The following LUZP2 variants were observed in gnomAD, a reference collection of about 807,000 sequenced individuals.
LUZP2 encodes leucine zipper protein 2.
Under a neutral mutation model 51.6 loss-of-function variants are expected in LUZP2, and 52 were observed. The observed-to-expected ratio is 1.01, with a 90% CI of 0.81 to 1.27. The LOEUF is 1.27. Among genes scored for constraint, LUZP2 ranks in the 50% most tolerant of loss-of-function variants. LUZP2 has a pLI of 0.00. For missense variants in LUZP2, 436 were observed against 395.4 expected (o/e 1.10, Z -0.87); for synonymous variants, 154 against 137.3 (o/e 1.12, Z -0.85).
At chr11:24,502,233 A>C (rs1207706467) in intron 1 of LUZP2, among the ~76,000 whole-genome samples, 3 of 152,214 alleles carry the variant, frequency 2.0e-5, no homozygotes, top group Non-Finnish European at 4.4e-5. Context: ...AAAAGAAAAA[A>C]TATAGATACA....
At chr11:24,597,661 T>C (rs548428022) in intron 1 of LUZP2, among the ~76,000 whole-genome samples, 23 of 152,350 alleles carry the variant, frequency 1.5e-4, no homozygotes, top group African/African-American at 4.3e-4. Context: ...GATCCTATGA[T>C]AAATAAAGCA....
chr11:25,041,976 G>A (rs193039594), intron 9 of LUZP2, among the ~76,000 whole-genome samples: 12 of 152,260 alleles, frequency 7.9e-5, no homozygotes, highest in African/African-American at 2.9e-4. Flanking sequence ...CTGATGATAT[G>A]AGGTGGAACA....
At chr11:24,987,213 G>T (rs1462190831) in intron 9 of LUZP2, among the ~76,000 whole-genome samples, 2 of 151,862 alleles carry the variant, frequency 1.3e-5, no homozygotes, top group Admixed American at 1.3e-4. Flanking sequence ...AACACCTGAA[G>T]AAAATTTTTA....
rs372999433 is a variant in LUZP2 at position 24,788,664 on chromosome 11, CTATT to C, written c.396+25362_396+25365del. The stretch of plus-strand genomic sequence containing the variant: ...TTATAATATTCATAACATATAAATA[CTATT>C]TATTTTCAATAATTGCTTCCTTGAT... On this transcript the variant is annotated intron_variant, in intron 5 of 11. Coordinates refer to ENST00000336930, the MANE Select transcript of LUZP2 (RefSeq NM_001009909.4). Among the ~76,000 whole-genome samples the C allele has an allele frequency of 2.2e-3, 330 of 152,110 alleles. 1 individual carries two copies. In the South Asian group the frequency reaches 0.022, roughly 10 times the overall value.
At chr11:24,873,555 A>T (rs931431672) in intron 5 of LUZP2, among the ~76,000 whole-genome samples, 1 of 152,186 alleles carries the variant, frequency 6.6e-6, no homozygotes, top group South Asian at 2.1e-4. Flanking sequence ...ATTCATTAAA[A>T]ATAGCTTAGT....
Position 25,081,583 on chromosome 11 carries a change from A to C in LUZP2, c.*2925A>C, listed in dbSNP as rs1859460638. Reference sequence around the variant, plus strand: ...ATTTGCTTCAAAATAGAATCGGATAAGTTTAAAATGTTCCTCTTACATTTG... The same window carrying C: ...ATTTGCTTCAAAATAGAATCGGATACGTTTAAAATGTTCCTCTTACATTTG... On this transcript the variant is annotated 3_prime_UTR_variant, in exon 12 of 12. Coordinates refer to ENST00000336930, the MANE Select transcript of LUZP2 (RefSeq NM_001009909.4). 6.6e-6 allele frequency: 1 copy of C among 152,158 alleles called. No individual in the cohort carries two copies. Among genetic ancestry groups the C allele is most frequent in the Non-Finnish European group, 1.5e-5 (1 of 68,016 alleles). The allele number at this position is 152,158 out of a possible 1,614,324, so 9.4% of individuals were successfully genotyped here.
chr11:24,937,758 G>A lies in LUZP2; in HGVS notation c.522+23220G>A, dbSNP rs1233582743. On this transcript the variant is annotated intron_variant, in intron 7 of 11. Coordinates refer to ENST00000336930, the MANE Select transcript of LUZP2 (RefSeq NM_001009909.4). ...CTACTAACAATACAAAAAATTAGCC[G>A]GGCGTGGTGGCGGGCGCCCGTAGTT... is the stretch of plus-strand genomic sequence containing the variant. Among the ~76,000 whole-genome samples, 7 of 152,092 alleles carry A rather than the reference G, an allele frequency of 4.6e-5. No individual in the cohort carries two copies. The South Asian group carries it at 8.3e-4, about 18-fold the overall frequency.
chr11:24,676,187 G>A (rs1396083706), intron 1 of LUZP2, among the ~76,000 whole-genome samples: 1 of 152,046 alleles, frequency 6.6e-6, no homozygotes, highest in Non-Finnish European at 1.5e-5. Context: ...CTTATCTTAT[G>A]TGGCATAATT....
intron 1 of LUZP2, among the ~76,000 whole-genome samples, chr11:24,529,004 A>T (rs957643538): frequency 1.3e-5 from 2 of 151,080 alleles, no homozygotes; most frequent in African/African-American, 4.8e-5. Flanking sequence ...GACTTCTTAG[A>T]TTTAGCGCAA....
At chr11:25,069,835 AT>A (rs1233137536) in intron 10 of LUZP2, among the ~76,000 whole-genome samples, 12 of 150,574 alleles carry the variant, frequency 8.0e-5, no homozygotes, top group South Asian at 2.1e-4. Flanking sequence ...GGAATTTCTT[AT>A]TTTTTTTTAA....
chr11:25,047,049 A>T (rs1858334898), intron 9 of LUZP2, among the ~76,000 whole-genome samples: 1 of 152,152 alleles, frequency 6.6e-6, no homozygotes, highest in African/African-American at 2.4e-5. Flanking sequence ...GGGACTATTT[A>T]TTCTGTCATC....
At chr11:24,815,592 T>C (rs1383765676) in intron 5 of LUZP2, among the ~76,000 whole-genome samples, 2 of 152,204 alleles carry the variant, frequency 1.3e-5, no homozygotes, top group Non-Finnish European at 2.9e-5. Context: ...ACTTGCTTTT[T>C]CCTGCCCAGC....
At chr11:24,808,916 G>T (rs997906511) in intron 5 of LUZP2, among the ~76,000 whole-genome samples, 1 of 151,960 alleles carries the variant, frequency 6.6e-6, no homozygotes, top group African/African-American at 2.4e-5. Flanking sequence ...AAAACCAATA[G>T]TTTATATCAA....
At chr11:24,695,907 G>T (rs1246568938) in intron 1 of LUZP2, among the ~76,000 whole-genome samples, 2 of 151,890 alleles carry the variant, frequency 1.3e-5, no homozygotes, top group Non-Finnish European at 2.9e-5. Flanking sequence ...AGCCTTTGAG[G>T]TGGGGAAAGA....
intron 9 of LUZP2, among the ~76,000 whole-genome samples, chr11:25,046,102 A>T (rs1341984101): frequency 6.6e-6 from 1 of 152,156 alleles, no homozygotes; most frequent in African/African-American, 2.4e-5. Context: ...TGGTCAGCTA[A>T]GTTCCAAGGC....
At chr11:24,535,002 ATAAAG>A (rs141807345) in intron 1 of LUZP2, among the ~76,000 whole-genome samples, 2,340 of 151,594 alleles carry the variant, frequency 0.015, 66 homozygotes, top group African/African-American at 0.053. Context: ...GAATATTGAC[ATAAAG>A]TAAAGCACAT....
At chr11:24,642,156 G>A (rs1855310355) in intron 1 of LUZP2, among the ~76,000 whole-genome samples, 1 of 151,772 alleles carries the variant, frequency 6.6e-6, no homozygotes, top group Non-Finnish European at 1.5e-5. Flanking sequence ...CAAAAGTACT[G>A]GGATTACAGG....
chr11:25,058,813 T>A (rs1279384207), intron 10 of LUZP2, among the ~76,000 whole-genome samples: 1 of 152,214 alleles, frequency 6.6e-6, no homozygotes, highest in Non-Finnish European at 1.5e-5. Flanking sequence ...TAATGTTACA[T>A]TCTCAATCTT....
intron 1 of LUZP2, among the ~76,000 whole-genome samples, chr11:24,650,575 A>T (rs1855597003): frequency 6.6e-6 from 1 of 152,082 alleles, no homozygotes; most frequent in Non-Finnish European, 1.5e-5. Flanking sequence ...ATCCAGATTC[A>T]TGAGGCCAGA....
Sources: allele counts gnomAD v4.1 joint callset (sites outside exome capture counted in the v4.1 genomes callset), GRCh38; gene constraint gnomAD v4.1.1; transcripts MANE v1.5; gene names NCBI Gene and HGNC (gene_info 2026-07-23, HGNC 2026-07-21).